The following LRRK2 variants were observed in gnomAD, a reference collection of about 807,000 sequenced individuals.
LRRK2 encodes leucine-rich repeat serine/threonine-protein kinase 2.
In LRRK2, 203 loss-of-function variants were observed where a neutral mutation model predicts 302.6. The observed-to-expected ratio is 0.67, with a 90% CI of 0.60 to 0.75. The LOEUF (loss-of-function observed/expected upper bound fraction) is 0.75. LRRK2 is among the 30% of genes least tolerant of loss of function. The pLI is 0.00. For synonymous variants in LRRK2, 1,066 were observed against 1,031.9 expected (o/e 1.03, Z -0.63); for missense variants, 2,830 against 2,951.0 (o/e 0.96, Z 0.95).
chr12:40,259,473 T>A lies in LRRK2; in HGVS notation c.1419-7T>A, dbSNP rs1252841661. 6.2e-7 allele frequency: 1 copy of A among 1,613,032 alleles called. No homozygotes were observed. Among genetic ancestry groups the A allele is most frequent in the East Asian group, 2.2e-5 (1 of 44,850 alleles). ...TTTCAATAAGCATGCCAATTTTATA[T>A]CCCCAGCAACACTTCCCTGGATATA... On this transcript the variant is annotated splice_polypyrimidine_tract_variant and splice_region_variant and intron_variant, in intron 12 of 50. Transcript: ENST00000298910.
At chr12:40,342,251 T>A (rs1946066881) in intron 41 of LRRK2, among the ~76,000 whole-genome samples, 1 of 152,224 alleles carries the variant, frequency 6.6e-6, no homozygotes, top group African/African-American at 2.4e-5. Flanking sequence ...TTCAGACTCA[T>A]GGCCTTTCAT....
In LRRK2 at chr12:40,314,106, G is replaced by A. The variant is rs759892708; in HGVS notation, c.4671G>A (p.Val1557=). ...ACCGGAAACGATTATTACAACTAGT[G>A]AGAGAAAATCAGCTGCAGTTAGATG... The part of the protein sequence containing the change: ...VIDRKRLLQL[V]RENQLQLDEN... The change falls in exon 32 of 51, where the codon GTG becomes GTA. Residue 1557 remains valine (V), a synonymous_variant. Transcript: ENST00000298910. 6.2e-7 allele frequency: 1 copy of A among 1,612,768 alleles called. No homozygotes were observed. Among genetic ancestry groups the A allele is most frequent in the Non-Finnish European group, 8.5e-7 (1 of 1,179,042 alleles).
chr12:40,362,706 T>C (rs1946752114), intron 47 of LRRK2, among the ~76,000 whole-genome samples: 1 of 152,000 alleles, frequency 6.6e-6, no homozygotes, highest in Non-Finnish European at 1.5e-5. Flanking sequence ...CAAGTAGGAG[T>C]TTGCCATGCT....
chr12:40,232,488 G>T (rs1208743345), intron 3 of LRRK2, 105 bp downstream of exon 3: 10 of 816,516 alleles, frequency 1.2e-5, no homozygotes, highest in Non-Finnish European at 1.9e-5. Context: ...TACTCCTGTG[G>T]AATTCTTTAA....
At chr12:40,339,927 T>G (rs528661558) in intron 40 of LRRK2, among the ~76,000 whole-genome samples, 1 of 152,314 alleles carries the variant, frequency 6.6e-6, no homozygotes, top group African/African-American at 2.4e-5. Flanking sequence ...TTTAACATAC[T>G]TACATTTTGA....
At chr12:40,303,305 T>C (rs1306603668) in intron 26 of LRRK2, among the ~76,000 whole-genome samples, 2 of 152,130 alleles carry the variant, frequency 1.3e-5, no homozygotes, top group East Asian at 1.9e-4. Context: ...TTTTGAGATA[T>C]TTTGGTTAAT....
chr12:40,299,340 A>G, intron 25 of LRRK2, 83 bp downstream of exon 25: 1 of 1,450,100 alleles, frequency 6.9e-7, no homozygotes, highest in South Asian at 1.2e-5. Context: ...TTAGTTGTGG[A>G]TTTAAAAGTG....
chr12:40,364,469 A>G (rs1267902442), intron 48 of LRRK2, among the ~76,000 whole-genome samples: 1 of 151,560 alleles, frequency 6.6e-6, no homozygotes, highest in Admixed American at 6.6e-5. Flanking sequence ...CTATAATTTT[A>G]TGTTCCTTTG....
chr12:40,270,863 T>G (rs1315789377), intron 14 of LRRK2, among the ~76,000 whole-genome samples: 1 of 152,112 alleles, frequency 6.6e-6, no homozygotes, highest in African/African-American at 2.4e-5. Flanking sequence ...AAATACCAAT[T>G]TGATATAATT....
Position 40,298,377 on chromosome 12 carries a change from T to G in LRRK2, c.3231T>G (p.Asp1077Glu). Residue 1077 changes from aspartate to glutamate, a missense_variant, in exon 24 of 51, where the codon GAT (aspartate) becomes GAG (glutamate). Physicochemically the swap from Asp to Glu is conservative, Grantham distance 45. This residue lies in a region of LRRK2 where 2,121 missense variants were observed against 2,148.0 expected (regional missense o/e 0.99). Transcript: ENST00000298910. ...ACATTGGACCCTCAGTGGTTTTAGA[T>G]CCTACAGTGAAATGTCCAACTCTGA... The part of the protein sequence containing the change: ...RNDIGPSVVL[D>E]PTVKCPTLKQ... The G allele has an allele frequency of 6.2e-7, 1 of 1,613,950 alleles. No homozygotes were observed. The highest frequency in any genetic ancestry group is 8.5e-7 in the Non-Finnish European group (1 of 1,179,972).
chr12:40,318,051 GCT>G (rs964279657), intron 33 of LRRK2, among the ~76,000 whole-genome samples: 10 of 152,088 alleles, frequency 6.6e-5, no homozygotes, highest in African/African-American at 2.4e-4. Context: ...GCTAAGTTGG[GCT>G]TCCTCGTGGC....
intron 7 of LRRK2, among the ~76,000 whole-genome samples, chr12:40,245,175 A>T (rs1340182244): frequency 6.6e-6 from 1 of 152,040 alleles, no homozygotes; most frequent in Non-Finnish European, 1.5e-5. Context: ...GATAATAAAT[A>T]TATTGTATAT....
chr12:40,318,084 A>C (rs1945281292), intron 33 of LRRK2, among the ~76,000 whole-genome samples: 1 of 152,098 alleles, frequency 6.6e-6, no homozygotes, highest in Admixed American at 6.6e-5. Flanking sequence ...CAGAATAATT[A>C]GACATCTTTC....
chr12:40,231,571 A>G (rs1405524612), intron 2 of LRRK2, among the ~76,000 whole-genome samples: 1 of 103,044 alleles, frequency 9.7e-6, no homozygotes, highest in Non-Finnish European at 2.3e-5. Context: ...AAACAAAAAC[A>G]AAACCAAAAA....
intron 2 of LRRK2, among the ~76,000 whole-genome samples, chr12:40,228,433 C>CTT (rs35333613): frequency 0.067 from 1,287 of 19,214 alleles, 149 homozygotes; most frequent in South Asian, 0.1. Flanking sequence ...AAAAATAAGA[C>CTT]TTTTTTTTTT....
At chr12:40,366,307 A>G (rs958508759) in intron 49 of LRRK2, 2 of 151,792 alleles carry the variant, frequency 1.3e-5, no homozygotes, top group African/African-American at 4.8e-5. Flanking sequence ...TTGAAATGTT[A>G]GCTCCTGTGT....
At chr12:40,289,873 T>C (rs1172886692) in intron 20 of LRRK2, among the ~76,000 whole-genome samples, 2 of 151,910 alleles carry the variant, frequency 1.3e-5, no homozygotes, top group African/African-American at 4.8e-5. Flanking sequence ...TTATACCATT[T>C]GGTAATAAAG....
At chr12:40,254,484 G>A (rs995015335) in intron 11 of LRRK2, among the ~76,000 whole-genome samples, 8 of 152,120 alleles carry the variant, frequency 5.3e-5, no homozygotes, top group Admixed American at 4.6e-4. Flanking sequence ...CGCTGTTCTC[G>A]AATCTCTCTT....
At chr12:40,366,940 CTTT>C in intron 49 of LRRK2, 63 bp from the exon 50 acceptor site, 1 of 1,250,470 alleles carries the variant, frequency 8.0e-7, no homozygotes, top group African/African-American at 1.5e-5. Context: ...AACAACTTTA[CTTT>C]TTTTTCAGGC....
Sources: allele counts gnomAD v4.1 joint callset (sites outside exome capture counted in the v4.1 genomes callset), GRCh38; gene constraint gnomAD v4.1.1; regional missense constraint gnomAD v4.1.1; transcripts MANE v1.5; gene names NCBI Gene and HGNC (gene_info 2026-07-23, HGNC 2026-07-21).